The following GPC5 variants were observed in gnomAD, a reference collection of about 807,000 sequenced individuals.
GPC5 encodes glypican-5.
In GPC5, 47 loss-of-function variants were observed where a neutral mutation model predicts 53.9. That is an observed-to-expected ratio of 0.87 (90% confidence interval 0.69 to 1.11). GPC5 has a LOEUF of 1.11. Among genes scored for constraint, GPC5 ranks in the 50% most tolerant of loss-of-function variants. GPC5 has a pLI of 0.00. For missense variants in GPC5, 748 were observed against 713.1 expected (o/e 1.05, Z -0.56); for synonymous variants, 286 against 263.3 (o/e 1.09, Z -0.84).
At chr13:92,276,861 G>A (rs1040277114) in intron 7 of GPC5, among the ~76,000 whole-genome samples, 2 of 151,876 alleles carry the variant, frequency 1.3e-5, no homozygotes, top group East Asian at 3.9e-4. Flanking sequence ...TAAAATTTTA[G>A]TATAAATTTT....
At chr13:92,294,954 G>A (rs946952257) in intron 7 of GPC5, among the ~76,000 whole-genome samples, 9 of 150,298 alleles carry the variant, frequency 6.0e-5, no homozygotes, top group African/African-American at 9.8e-5. Context: ...TCAGCCTCCC[G>A]AGTAGCTGGT....
chr13:92,447,998 A>T (rs1877902324), intron 7 of GPC5: 1 of 152,128 alleles, frequency 6.6e-6, no homozygotes. Context: ...CTTTGGCCAA[A>T]TTAAAATCTA....
At chr13:92,724,720 A>G (rs1165977571) in intron 7 of GPC5, among the ~76,000 whole-genome samples, 1 of 151,632 alleles carries the variant, frequency 6.6e-6, no homozygotes, top group Non-Finnish European at 1.5e-5. Context: ...AGGGGAAGGG[A>G]AAATGGGGAA....
chr13:91,638,956 G>T (rs553007685), intron 2 of GPC5, among the ~76,000 whole-genome samples: 2 of 152,094 alleles, frequency 1.3e-5, no homozygotes, highest in Admixed American at 6.5e-5. Context: ...ATACAAAAAG[G>T]CAATGATGCT....
chr13:92,578,457 T>C (rs967190261), intron 7 of GPC5, among the ~76,000 whole-genome samples: 6 of 152,124 alleles, frequency 3.9e-5, no homozygotes, highest in African/African-American at 7.2e-5. Flanking sequence ...TTATGGAAAT[T>C]GGCTCACCTA....
intron 7 of GPC5, among the ~76,000 whole-genome samples, chr13:92,602,228 TATAAC>T (rs1407511694): frequency 1.5e-4 from 4 of 26,616 alleles, no homozygotes; most frequent in African/African-American, 3.2e-4. Context: ...TAAATATATA[TATAAC>T]ATATATATAT....
chr13:91,642,664 A>C (rs947205737), intron 2 of GPC5, among the ~76,000 whole-genome samples: 2 of 151,946 alleles, frequency 1.3e-5, no homozygotes, highest in Non-Finnish European at 2.9e-5. Context: ...TGGGAGTAAG[A>C]AGTGGAAGGG....
At chr13:91,705,377 T>C (rs941769560) in intron 3 of GPC5, among the ~76,000 whole-genome samples, 4 of 152,206 alleles carry the variant, frequency 2.6e-5, no homozygotes, top group Admixed American at 6.5e-5. Flanking sequence ...CTCTATGTAA[T>C]AAGCAGATGA....
At chr13:92,628,051 C>T (rs987498223) in intron 7 of GPC5, among the ~76,000 whole-genome samples, 4 of 151,994 alleles carry the variant, frequency 2.6e-5, no homozygotes, top group Non-Finnish European at 5.9e-5. Flanking sequence ...GCAGTATCTT[C>T]CTGGCGTCAG....
At position 91,697,001 on chromosome 13, in the gene GPC5, A is replaced by G. The variant is rs984113009; in HGVS notation, c.1020+3120A>G. Among the ~76,000 whole-genome samples, 6 of 152,278 alleles carry G rather than the reference A, an allele frequency of 3.9e-5. No homozygotes were observed. The East Asian group carries it at 1.2e-3, about 29-fold the overall frequency. ...TTGCTTCAGTTTCCTCTTTGGTTAG[A>G]TGGGGTGATGAAATACCATAATAGT... On this transcript the variant is annotated intron_variant, in intron 3 of 7. Coordinates refer to ENST00000377067, the MANE Select transcript of GPC5 (RefSeq NM_004466.6).
rs71671851 is a variant in GPC5 at position 92,486,861 on chromosome 13, A to ATTT, written c.1561+341882_1561+341884dup. The stretch of plus-strand genomic sequence containing the variant: ...GGATTAGATAACACAGGGGACAGGG[A>ATTT]TTTTTTTTTTTTCAGATGGAGTCTC... On this transcript the variant is annotated intron_variant, in intron 7 of 7. Coordinates refer to ENST00000377067, the MANE Select transcript of GPC5 (RefSeq NM_004466.6). Among the ~76,000 whole-genome samples the ATTT allele has an allele frequency of 2.4e-4, 36 of 148,988 alleles. 1 individual carries two copies. The highest frequency in any genetic ancestry group is 8.6e-4 in the African/African-American group (35 of 40,666).
chr13:92,116,061 G>T (rs1191260942), intron 6 of GPC5, among the ~76,000 whole-genome samples: 1 of 151,970 alleles, frequency 6.6e-6, no homozygotes, highest in Non-Finnish European at 1.5e-5. Flanking sequence ...GACCAGGCTG[G>T]GCAACATAGC....
At chr13:92,005,609 TAC>T (rs1165209799) in intron 6 of GPC5, among the ~76,000 whole-genome samples, 1 of 152,214 alleles carries the variant, frequency 6.6e-6, no homozygotes, top group Non-Finnish European at 1.5e-5. Context: ...TATATGTATA[TAC>T]ACAGATACAT....
chr13:92,060,551 A>G (rs1594748226), intron 6 of GPC5, among the ~76,000 whole-genome samples: 1 of 152,168 alleles, frequency 6.6e-6, no homozygotes, highest in South Asian at 2.1e-4. Flanking sequence ...CAACAGCAAA[A>G]CAAGATATAG....
chr13:92,645,259 C>A (rs1335625091), intron 7 of GPC5, among the ~76,000 whole-genome samples: 1 of 152,158 alleles, frequency 6.6e-6, no homozygotes, highest in Non-Finnish European at 1.5e-5. Context: ...GATTCTCCTG[C>A]CTCAGCCTCC....
At chr13:91,742,219 A>G (rs2036950016) in intron 4 of GPC5, among the ~76,000 whole-genome samples, 1 of 152,150 alleles carries the variant, frequency 6.6e-6, no homozygotes. Flanking sequence ...AGGAAAAGCA[A>G]ATGCCAGAAG....
chr13:92,757,619 T>A (rs1874945894), intron 7 of GPC5, among the ~76,000 whole-genome samples: 1 of 152,046 alleles, frequency 6.6e-6, no homozygotes. Context: ...TACAATGAAC[T>A]TAAACAAATT....
At chr13:91,403,651 A>G (rs1877112763) in intron 1 of GPC5, among the ~76,000 whole-genome samples, 1 of 152,164 alleles carries the variant, frequency 6.6e-6, no homozygotes, top group South Asian at 2.1e-4. Flanking sequence ...TTGAATTGTG[A>G]GCATCAAGGC....
intron 2 of GPC5, among the ~76,000 whole-genome samples, chr13:91,571,427 T>G (rs1472049222): frequency 6.6e-6 from 1 of 152,138 alleles, no homozygotes; most frequent in Non-Finnish European, 1.5e-5. Context: ...AAACTTTTTG[T>G]CTTGCCAAGT....
Sources: allele counts gnomAD v4.1 joint callset (sites outside exome capture counted in the v4.1 genomes callset), GRCh38; gene constraint gnomAD v4.1.1; transcripts MANE v1.5; gene names NCBI Gene and HGNC (gene_info 2026-07-23, HGNC 2026-07-21).